Variants in SEMA5A observed in about 807,000 individuals in gnomAD.
The protein encoded by SEMA5A is semaphorin-5A.
Under a neutral mutation model 135.5 loss-of-function variants are expected in SEMA5A, and 55 were observed. That is an observed-to-expected ratio of 0.41 (90% confidence interval 0.33 to 0.51). The LOEUF (loss-of-function observed/expected upper bound fraction) is 0.51, where lower values mean the gene tolerates loss of function less well. Among genes scored for constraint, SEMA5A ranks in the 20% least tolerant of loss-of-function variants. The pLI, the probability that SEMA5A is intolerant of heterozygous loss-of-function variation, is 0.37. For missense variants in SEMA5A, 1,290 were observed against 1,419.9 expected (o/e 0.91, Z 1.47); for synonymous variants, 580 against 546.5 (o/e 1.06, Z -0.85).
At chr5:9,522,247 A>G (rs1245940678) in intron 1 of SEMA5A, among the ~76,000 whole-genome samples, 1 of 152,176 alleles carries the variant, frequency 6.6e-6, no homozygotes, top group African/African-American at 2.4e-5. Context: ...CACGTACGAG[A>G]CAGAGAAAAT....
At chr5:9,068,483 T>C (rs1737595642) in intron 16 of SEMA5A, among the ~76,000 whole-genome samples, 1 of 152,164 alleles carries the variant, frequency 6.6e-6, no homozygotes, top group South Asian at 2.1e-4. Context: ...AGACACCCAC[T>C]TATCTCACTC....
chr5:9,131,810 G>C (rs923528504), intron 13 of SEMA5A, among the ~76,000 whole-genome samples: 4 of 151,878 alleles, frequency 2.6e-5, no homozygotes, highest in African/African-American at 9.7e-5. Context: ...TATTTGTGGG[G>C]AGTGAACATG....
At chr5:9,065,071 A>C (rs1313631384) in intron 17 of SEMA5A, among the ~76,000 whole-genome samples, 1 of 152,252 alleles carries the variant, frequency 6.6e-6, no homozygotes, top group African/African-American at 2.4e-5. Context: ...GTATTTGTTT[A>C]AGTTGTACAT....
At chr5:9,240,146 T>C (rs1185316856) in intron 5 of SEMA5A, among the ~76,000 whole-genome samples, 1 of 152,090 alleles carries the variant, frequency 6.6e-6, no homozygotes, top group Non-Finnish European at 1.5e-5. Context: ...ACAAGTTTAT[T>C]AGACCAATAA....
intron 1 of SEMA5A, among the ~76,000 whole-genome samples, chr5:9,480,702 T>C (rs1341660885): frequency 6.6e-6 from 1 of 152,154 alleles, no homozygotes; most frequent in African/African-American, 2.4e-5. Flanking sequence ...CATTCATCAC[T>C]TACACGTGTG....
chr5:9,323,774 G>T (rs1752740404), intron 4 of SEMA5A, among the ~76,000 whole-genome samples: 1 of 146,010 alleles, frequency 6.8e-6, no homozygotes, highest in Admixed American at 7.2e-5. Context: ...CAATTCTCCT[G>T]CCTCAGCCTC....
Position 9,038,168 on chromosome 5 carries a change from C to G in SEMA5A, c.*4729G>C, listed in dbSNP as rs1735755847. On this transcript the variant is annotated 3_prime_UTR_variant, in exon 23 of 23. Coordinates refer to ENST00000382496, the MANE Select transcript of SEMA5A (RefSeq NM_003966.3). ...AGGCAAGGCCAAGGCCATCTGTAAA[C>G]TCCAGTTTGTACCATATCATAAGTG... 1 of 152,196 alleles carries G rather than the reference C, an allele frequency of 6.6e-6. No individual in the cohort carries two copies. The highest frequency in any genetic ancestry group is 6.5e-5 in the Admixed American group (1 of 15,288). 9.4% of individuals were successfully genotyped at this position (152,196 alleles called of 1,614,324 possible). A position where few individuals can be genotyped will look rare whatever the true frequency, so the allele number is the denominator to read the frequency against.
intron 11 of SEMA5A, among the ~76,000 whole-genome samples, chr5:9,167,214 G>A (rs1006372795): frequency 2.6e-5 from 4 of 152,138 alleles, no homozygotes; most frequent in African/African-American, 4.8e-5. Context: ...TTGTTAGCTC[G>A]TTATGAGCTT....
intron 2 of SEMA5A, among the ~76,000 whole-genome samples, chr5:9,380,405 A>G (rs943454019): frequency 6.6e-5 from 10 of 152,174 alleles, no homozygotes; most frequent in East Asian, 3.9e-4. Flanking sequence ...ACACAGGTCT[A>G]TATGTGGAAA....
chr5:9,378,965 G>A (rs1462434621), intron 3 of SEMA5A, among the ~76,000 whole-genome samples: 1 of 151,848 alleles, frequency 6.6e-6, no homozygotes, highest in East Asian at 1.9e-4. Flanking sequence ...TAATTTAATG[G>A]GTATGAGATG....
intron 5 of SEMA5A, among the ~76,000 whole-genome samples, chr5:9,240,267 T>A (rs1748125571): frequency 6.6e-6 from 1 of 151,960 alleles, no homozygotes; most frequent in South Asian, 2.1e-4. Flanking sequence ...AATATTCAAA[T>A]CCAGAATTAA....
At chr5:9,264,093 C>T (rs1480236364) in intron 5 of SEMA5A, among the ~76,000 whole-genome samples, 3 of 152,054 alleles carry the variant, frequency 2.0e-5, no homozygotes, top group African/African-American at 7.2e-5. Context: ...ATAAGTGAAT[C>T]CAAATTCAAG....
intron 2 of SEMA5A, among the ~76,000 whole-genome samples, chr5:9,405,434 C>G (rs1004530678): frequency 1.3e-5 from 2 of 152,138 alleles, no homozygotes; most frequent in African/African-American, 4.8e-5. Flanking sequence ...TTCTTCTGAG[C>G]CTGTGTCAGC....
At chr5:9,058,270 G>C (rs545846900) in intron 18 of SEMA5A, among the ~76,000 whole-genome samples, 2 of 152,332 alleles carry the variant, frequency 1.3e-5, no homozygotes, top group African/African-American at 4.8e-5. Flanking sequence ...GAGGCATAGA[G>C]AGGTTAGGTC....
intron 5 of SEMA5A, among the ~76,000 whole-genome samples, chr5:9,303,584 C>A (rs1751720155): frequency 6.6e-6 from 1 of 151,854 alleles, no homozygotes; most frequent in African/African-American, 2.4e-5. Context: ...TATAAAATAG[C>A]TGGAAGAGAG....
intron 2 of SEMA5A, among the ~76,000 whole-genome samples, chr5:9,410,067 C>A (rs1047982862): frequency 6.6e-6 from 1 of 152,004 alleles, no homozygotes; most frequent in Non-Finnish European, 1.5e-5. Context: ...ATGAGAATTT[C>A]TTTTTTTAGA....
intron 3 of SEMA5A, among the ~76,000 whole-genome samples, chr5:9,379,338 T>C (rs1293262048): frequency 1.3e-5 from 2 of 152,208 alleles, no homozygotes; most frequent in Admixed American, 1.3e-4. Flanking sequence ...GATATACAGA[T>C]TAATTATTTA....
At chr5:9,290,687 T>C (rs932896261) in intron 5 of SEMA5A, among the ~76,000 whole-genome samples, 12 of 152,156 alleles carry the variant, frequency 7.9e-5, no homozygotes, top group African/African-American at 2.9e-4. Context: ...TACAGAAACA[T>C]TGATATATGT....
chr5:9,197,746 G>GTGTT (rs1561011186), intron 9 of SEMA5A, among the ~76,000 whole-genome samples: 6 of 62,442 alleles, frequency 9.6e-5, no homozygotes, highest in African/African-American at 4.2e-4. Flanking sequence ...GTGTGTGTGT[G>GTGTT]TGTGTGTGTG....
Sources: allele counts gnomAD v4.1 joint callset (sites outside exome capture counted in the v4.1 genomes callset), GRCh38; gene constraint gnomAD v4.1.1; transcripts MANE v1.5; gene names NCBI Gene and HGNC (gene_info 2026-07-23, HGNC 2026-07-21).